NAA40: variants seen among roughly 807,000 people sequenced by gnomAD.
NAA40 encodes N-alpha-acetyltransferase 40.
In NAA40, 26 loss-of-function variants were observed where a neutral mutation model predicts 36.6. That is an observed-to-expected ratio of 0.71 (90% CI 0.52 to 0.98). The LOEUF (loss-of-function observed/expected upper bound fraction) is 0.98, where lower values mean the gene tolerates loss of function less well. Among genes scored for constraint, NAA40 ranks in the 50% least tolerant of loss-of-function variants. The pLI is 0.00. For missense variants in NAA40, 237 were observed against 306.5 expected (o/e 0.77, Z 1.69); for synonymous variants, 129 against 108.4 (o/e 1.19, Z -1.18).
chr11:63,945,576 G>A (rs1296731259), intron 1 of NAA40, among the ~76,000 whole-genome samples: 1 of 152,062 alleles, frequency 6.6e-6, no homozygotes, highest in African/African-American at 2.4e-5. Context: ...CAGCTGTTTC[G>A]CTGGGTCCCC....
chr11:63,954,076 G>A (rs1383074838), intron 7 of NAA40, 27 bp downstream of exon 7: 1 of 1,610,918 alleles, frequency 6.2e-7, no homozygotes, highest in South Asian at 1.1e-5. Context: ...GGGCCCTTCT[G>A]GGTGGTAGGT....
At chr11:63,940,402 G>A (rs1942089810) in intron 1 of NAA40, among the ~76,000 whole-genome samples, 2 of 152,196 alleles carry the variant, frequency 1.3e-5, no homozygotes, top group Admixed American at 6.5e-5. Flanking sequence ...TGACTTTGGA[G>A]CCCGAGGTAC....
At chr11:63,949,249 CAGG>C (rs1391628958) in intron 3 of NAA40, among the ~76,000 whole-genome samples, 1 of 152,122 alleles carries the variant, frequency 6.6e-6, no homozygotes, top group Non-Finnish European at 1.5e-5. Context: ...ATGGACTTGT[CAGG>C]AGGATAAGAT....
chr11:63,951,710 G>A (rs1401071477), intron 3 of NAA40, among the ~76,000 whole-genome samples: 3 of 152,134 alleles, frequency 2.0e-5, no homozygotes, highest in Admixed American at 1.3e-4. Context: ...CTCCTGGGGC[G>A]GGGTGGGGCG....
At chr11:63,939,214 G>A in intron 1 of NAA40, 112 bp downstream of exon 1, 3 of 1,281,188 alleles carry the variant, frequency 2.3e-6, no homozygotes, top group Non-Finnish European at 3.0e-6. Flanking sequence ...CCAGCCTCAC[G>A]TGACCCCTGA....
chr11:63,945,810 T>C, intron 1 of NAA40, 30 bp from the exon 2 acceptor site: 1 of 1,593,266 alleles, frequency 6.3e-7, no homozygotes, highest in African/African-American at 1.3e-5. Context: ...CCACAGCCAT[T>C]CCAGCTAACG....
chr11:63,955,716 G>A lies in NAA40; in HGVS notation c.*1237G>A, dbSNP rs1250325006. On this transcript the variant is annotated 3_prime_UTR_variant, in exon 8 of 8. Transcript: ENST00000377793. ...GTGGCAACAGGCTGGAGCAGGGGAA[G>A]GAGAAAGCCTTCCTCTTCTCTCATA... The A allele has an allele frequency of 6.6e-6, 1 of 152,306 alleles. No individual in the cohort carries two copies. Among genetic ancestry groups the A allele is most frequent in the East Asian group, 1.9e-4 (1 of 5,196 alleles). 9.4% of individuals were successfully genotyped at this position (152,306 alleles called of 1,614,324 possible).
chr11:63,942,281 A>G (rs1307332935), intron 1 of NAA40, among the ~76,000 whole-genome samples: 1 of 152,204 alleles, frequency 6.6e-6, no homozygotes, highest in Non-Finnish European at 1.5e-5. Flanking sequence ...AAGTAGTCAC[A>G]CCTACCATGC....
intron 1 of NAA40, among the ~76,000 whole-genome samples, chr11:63,941,560 CT>C (rs11373615): frequency 1.0e-4 from 15 of 148,340 alleles, no homozygotes; most frequent in Admixed American, 1.3e-4. Context: ...TTTTCTTTTC[CT>C]TTTTTTTTTA....
At chr11:63,943,242 T>C (rs1418744036) in intron 1 of NAA40, among the ~76,000 whole-genome samples, 2 of 151,888 alleles carry the variant, frequency 1.3e-5, no homozygotes, top group African/African-American at 2.4e-5. Flanking sequence ...AAGCTCATGC[T>C]CTTCTGCCCC....
At chr11:63,940,350 T>C (rs1030341600) in intron 1 of NAA40, among the ~76,000 whole-genome samples, 26 of 152,170 alleles carry the variant, frequency 1.7e-4, no homozygotes, top group Admixed American at 1.6e-3. Flanking sequence ...CACAGGCCTA[T>C]ATTAGTATTT....
chr11:63,952,443 G>A lies in NAA40; in HGVS notation c.288G>A (p.Glu96=), dbSNP rs1438286332. The change falls in exon 5 of 8, where the codon GAG becomes GAA. Residue 96 remains glutamate, a synonymous_variant. Coordinates refer to ENST00000377793, the MANE Select transcript of NAA40 (RefSeq NM_024771.4). The part of the protein sequence containing the change: ...EQSEWGWKDR[E]KREEMTDDRA... Reference sequence around the variant, plus strand: ...GCGAGTGGGGCTGGAAGGACCGAGAGAAACGGGAGGAAATGACAGATGACC... The same window carrying A: ...GCGAGTGGGGCTGGAAGGACCGAGAAAAACGGGAGGAAATGACAGATGACC... The A allele has an allele frequency of 3.1e-6, 5 of 1,614,248 alleles. No individual in the cohort carries two copies. Among genetic ancestry groups the A allele is most frequent in the Non-Finnish European group, 4.2e-6 (5 of 1,180,052 alleles).
intron 2 of NAA40, chr11:63,946,220 G>A: frequency 5.1e-6 from 2 of 389,588 alleles, no homozygotes; most frequent in South Asian, 3.2e-5. Flanking sequence ...TTTTTCTTTT[G>A]TGTGAGACAG....
In NAA40 at chr11:63,957,055, T is replaced by G. The variant is rs1483893200; in HGVS notation, c.*2576T>G. The G allele has an allele frequency of 6.6e-6, 1 of 151,884 alleles. No homozygotes were observed. Among genetic ancestry groups the G allele is most frequent in the Non-Finnish European group, 1.5e-5 (1 of 67,976 alleles). 9.4% of individuals were successfully genotyped at this position (151,884 alleles called of 1,614,324 possible). A position where few individuals can be genotyped will look rare whatever the true frequency, so the allele number is the denominator to read the frequency against. ...TTTGTTTGTTTGGAGCATGTTAAGA[T>G]TTTTTTAAGATTTTTAAAATTTTAG... is the stretch of plus-strand genomic sequence containing the variant. On this transcript the variant is annotated 3_prime_UTR_variant, in exon 8 of 8. Coordinates refer to ENST00000377793, the MANE Select transcript of NAA40 (RefSeq NM_024771.4).
In NAA40 at chr11:63,952,745, T is replaced by G; in HGVS notation, c.411-11T>G. ...ATCCTGCACGCTCACCTCTCTGCTT[T>G]CTTCACCTAGCTATGAAGTGCAGTT... is the stretch of plus-strand genomic sequence containing the variant. On this transcript the variant is annotated splice_polypyrimidine_tract_variant and intron_variant, in intron 5 of 7. Transcript: ENST00000377793. The G allele has an allele frequency of 6.2e-7, 1 of 1,614,088 alleles. No homozygotes were observed. Among genetic ancestry groups the G allele is most frequent in the Non-Finnish European group, 8.5e-7 (1 of 1,180,006 alleles).
chr11:63,945,080 ATT>A (rs1421304350), intron 1 of NAA40, among the ~76,000 whole-genome samples: 16 of 152,114 alleles, frequency 1.1e-4, no homozygotes, highest in Admixed American at 1.0e-3. Context: ...GCTGTGGGCA[ATT>A]TGCCATTCGC....
chr11:63,945,559 G>A (rs1942173110), intron 1 of NAA40, among the ~76,000 whole-genome samples: 1 of 152,162 alleles, frequency 6.6e-6, no homozygotes, highest in Admixed American at 6.5e-5. Context: ...CCTGCTGTAG[G>A]CGTTGTCAGC....
rs320126 is a variant in NAA40, at chr11:63,956,828, C to T, written c.*2349C>T. On this transcript the variant is annotated 3_prime_UTR_variant, in exon 8 of 8. Coordinates refer to ENST00000377793, the MANE Select transcript of NAA40 (RefSeq NM_024771.4). ...CATCTCTACTAAAAAATACAAAAATCAGCCAGGCGTGGTTGTGGCCTGTAA... is the reference window on the plus strand; with the variant it reads ...CATCTCTACTAAAAAATACAAAAATTAGCCAGGCGTGGTTGTGGCCTGTAA... 0.99 allele frequency: 150,411 copies of T among 152,158 alleles called. 74,364 individuals carry two copies. Among genetic ancestry groups the T allele is most frequent in the Middle Eastern group, 1 (292 of 292 alleles). The allele number at this position is 152,158 out of a possible 1,614,324, so 9.4% of individuals were successfully genotyped here.
chr11:63,943,770 C>T (rs1395277364), intron 1 of NAA40, among the ~76,000 whole-genome samples: 1 of 151,180 alleles, frequency 6.6e-6, no homozygotes, highest in African/African-American at 2.4e-5. Context: ...CTAGCCTGGG[C>T]AACATAGTGA....
Sources: allele counts gnomAD v4.1 joint callset (sites outside exome capture counted in the v4.1 genomes callset), GRCh38; gene constraint gnomAD v4.1.1; transcripts MANE v1.5; gene names NCBI Gene and HGNC (gene_info 2026-07-23, HGNC 2026-07-21).